CD300LD: variants seen among roughly 807,000 people sequenced by gnomAD.
CD300LD encodes CMRF35-like molecule 5.
A neutral mutation model predicts 20.3 loss-of-function variants in CD300LD; 18 were observed. The observed-to-expected ratio is 0.89, with a 90% CI of 0.61 to 1.32. CD300LD has a LOEUF of 1.32. CD300LD is among the 40% of genes most tolerant of loss of function. The pLI, the probability that CD300LD is intolerant of heterozygous loss-of-function variation, is 0.00. For synonymous variants in CD300LD, 104 were observed against 90.1 expected (o/e 1.15, Z -0.87); for missense variants, 195 against 226.6 (o/e 0.86, Z 0.90).
chr17:74,592,205 T>C lies in CD300LD; in HGVS notation c.-3A>G. On this transcript the variant is annotated 5_prime_UTR_variant, in exon 1 of 4. Coordinates refer to ENST00000375352, the MANE Select transcript of CD300LD (RefSeq NM_001115152.2). ...AGCAGAGATGGGGACAGCCACATGG[T>C]CCTGTCTCCTCTCCTCTCCTTGGTG... is the stretch of plus-strand genomic sequence containing the variant. 2 of 1,614,146 alleles carry C rather than the reference T, an allele frequency of 1.2e-6. No individual in the cohort carries two copies. The highest frequency in any genetic ancestry group is 1.7e-6 in the Non-Finnish European group (2 of 1,180,014).
intron 2 of CD300LD, among the ~76,000 whole-genome samples, chr17:74,584,323 A>C (rs372479430): frequency 1.4e-4 from 22 of 152,258 alleles, no homozygotes; most frequent in African/African-American, 4.6e-4. Context: ...GGTACTCGAG[A>C]GTGTTTCCAA....
intron 2 of CD300LD, among the ~76,000 whole-genome samples, chr17:74,584,041 C>T (rs568523879): frequency 6.2e-4 from 95 of 152,210 alleles, no homozygotes; most frequent in African/African-American, 2.3e-3. Flanking sequence ...AGGCGTGAAC[C>T]ACCACGCCCA....
intron 2 of CD300LD, among the ~76,000 whole-genome samples, chr17:74,586,563 C>G (rs549078487): frequency 6.6e-6 from 1 of 152,244 alleles, no homozygotes; most frequent in East Asian, 1.9e-4. Flanking sequence ...TGGAGGCATT[C>G]CCTGTCCAGC....
intron 1 of CD300LD, chr17:74,591,952 T>C: frequency 7.1e-7 from 1 of 1,406,230 alleles, no homozygotes; most frequent in South Asian, 1.4e-5. Flanking sequence ...GAAGCTATAC[T>C]TGTTTTGTTT....
chr17:74,585,246 C>A (rs911499307), intron 2 of CD300LD, among the ~76,000 whole-genome samples: 3 of 152,106 alleles, frequency 2.0e-5, no homozygotes, highest in Non-Finnish European at 2.9e-5. Context: ...AACGGGCTCA[C>A]CAAAAAGGTC....
intron 2 of CD300LD, among the ~76,000 whole-genome samples, chr17:74,585,554 T>C (rs1328877702): frequency 1.3e-5 from 2 of 152,180 alleles, no homozygotes; most frequent in Admixed American, 1.3e-4. Flanking sequence ...GGAAAGCCCT[T>C]AGGACCTTGC....
In CD300LD at chr17:74,588,771, G is replaced by A; in HGVS notation, c.119C>T (p.Ala40Val). The A allele has an allele frequency of 3.7e-6, 6 of 1,614,186 alleles. No homozygotes were observed. Among genetic ancestry groups the A allele is most frequent in the Non-Finnish European group, 5.1e-6 (6 of 1,180,028 alleles). The change falls in exon 2 of 4, where the codon GCT becomes GTT. Residue 40 changes from alanine to valine, a missense_variant. Ala to Val is a moderately conservative substitution (Grantham distance 64). Transcript: ENST00000375352. Reference protein sequence around the residue: ...SEQGSLTVQCAYGSGWETYLK... With the variant: ...SEQGSLTVQCVYGSGWETYLK... ...GTAGGTCTCCCAGCCTGAGCCATAA[G>A]CACACTGCACAGTCAATGAGCCCTG...
intron 1 of CD300LD, among the ~76,000 whole-genome samples, chr17:74,590,179 T>C (rs2030272443): frequency 6.6e-6 from 1 of 152,200 alleles, no homozygotes; most frequent in Admixed American, 6.5e-5. Context: ...GATGGTTTTA[T>C]AATGGGAAAC....
At chr17:74,591,576 T>G (rs2030319324) in intron 1 of CD300LD, among the ~76,000 whole-genome samples, 1 of 152,096 alleles carries the variant, frequency 6.6e-6, no homozygotes, top group Admixed American at 6.6e-5. Context: ...CATATCTCCA[T>G]ACAAAACTGT....
rs780456281 is a variant in CD300LD at position 74,580,007 on chromosome 17, A to C, written c.580T>G (p.Ser194Ala). Residue 194 changes from serine to alanine, a missense_variant, in exon 4 of 4, where the codon TCT becomes GCT. Coordinates refer to ENST00000375352, the MANE Select transcript of CD300LD (RefSeq NM_001115152.2). ...VLWVNRPQRR[S>A] Reference sequence around the variant, plus strand: ...TCGGGCTGACTCCTCCTCCTTCAAGACCTTCTTTGTGGTCTGTTTACCCAG... The same window carrying C: ...TCGGGCTGACTCCTCCTCCTTCAAGCCCTTCTTTGTGGTCTGTTTACCCAG... 6.2e-7 allele frequency: 1 copy of C among 1,607,878 alleles called. No homozygotes were observed. Among genetic ancestry groups the C allele is most frequent in the African/African-American group, 1.3e-5 (1 of 74,770 alleles).
chr17:74,583,613 T>C (rs944546431), intron 2 of CD300LD, among the ~76,000 whole-genome samples: 3 of 152,220 alleles, frequency 2.0e-5, no homozygotes, highest in African/African-American at 7.2e-5. Flanking sequence ...TTCCAGAATC[T>C]AATATAAATG....
Position 74,579,878 on chromosome 17 carries a change from C to CT in CD300LD, c.*123dup. On this transcript the variant is annotated 3_prime_UTR_variant, in exon 4 of 4. Coordinates refer to ENST00000375352, the MANE Select transcript of CD300LD (RefSeq NM_001115152.2). ...CCAGCCTGGGTGACAGAGCAAGACT[C>CT]TATCTCTAGAAAGAAAAAAAGAAGA... 1 of 581,218 alleles carries CT rather than the reference C, an allele frequency of 1.7e-6. No homozygotes were observed. The highest frequency in any genetic ancestry group is 3.1e-6 in the Non-Finnish European group (1 of 324,160). 36.0% of individuals were successfully genotyped at this position (581,218 alleles called of 1,614,324 possible).
chr17:74,581,132 G>A (rs1038043310), intron 3 of CD300LD, among the ~76,000 whole-genome samples: 1 of 151,226 alleles, frequency 6.6e-6, no homozygotes, highest in Admixed American at 6.6e-5. Context: ...GACAGCTAAA[G>A]TCCCATCAGT....
intron 3 of CD300LD, among the ~76,000 whole-genome samples, chr17:74,581,333 A>T (rs2030031635): frequency 6.6e-6 from 1 of 151,200 alleles, no homozygotes; most frequent in Non-Finnish European, 1.5e-5. Flanking sequence ...AGGAGGACTG[A>T]GCCAGAGACA....
At chr17:74,590,446 T>G (rs967260467) in intron 1 of CD300LD, 1 of 151,278 alleles carries the variant, frequency 6.6e-6, no homozygotes, top group African/African-American at 2.4e-5. Flanking sequence ...ATGTTTGTTA[T>G]TATTATTATT....
At chr17:74,581,446 C>T (rs1699586) in intron 3 of CD300LD, among the ~76,000 whole-genome samples, 1,622 of 152,290 alleles carry the variant, frequency 0.011, 37 homozygotes, top group African/African-American at 0.037. Flanking sequence ...TGGAACCCAA[C>T]GGCTAGCTAT....
rs962192775 is a variant in CD300LD at position 74,588,367 on chromosome 17, A to T, written c.379+144T>A. 4 of 585,902 alleles carry T rather than the reference A, an allele frequency of 6.8e-6. No homozygotes were observed. In the African/African-American group the frequency reaches 7.4e-5, roughly 11 times the overall value. The allele number at this position is 585,902 out of a possible 1,614,324, so 36.3% of individuals were successfully genotyped here. On this transcript the variant is annotated intron_variant, in intron 2 of 3. Transcript: ENST00000375352. ...CAACACGAGTTTTGGAGGGACAAATATTCAAACCATAGCAAGACCTCAGGA... is the reference window on the plus strand; with the variant it reads ...CAACACGAGTTTTGGAGGGACAAATTTTCAAACCATAGCAAGACCTCAGGA...
intron 2 of CD300LD, among the ~76,000 whole-genome samples, chr17:74,586,938 T>C (rs983048684): frequency 6.6e-6 from 1 of 151,882 alleles, no homozygotes; most frequent in African/African-American, 2.4e-5. Context: ...TTTACGGAGG[T>C]TGGGAGTTCG....
Position 74,580,006 on chromosome 17 carries a change from G to A in CD300LD, c.581C>T (p.Ser194Phe), listed in dbSNP as rs377130739. Residue 194 changes from serine (S) to phenylalanine (F), a missense_variant, in exon 4 of 4, where the codon TCT (serine) becomes TTT (phenylalanine). Transcript: ENST00000375352. Reference sequence around the variant, plus strand: ...ATCGGGCTGACTCCTCCTCCTTCAAGACCTTCTTTGTGGTCTGTTTACCCA... The same window carrying A: ...ATCGGGCTGACTCCTCCTCCTTCAAAACCTTCTTTGTGGTCTGTTTACCCA... The part of the protein sequence containing the change: ...VLWVNRPQRR[S>F] 57 of 1,607,100 alleles carry A rather than the reference G, an allele frequency of 3.5e-5. No individual in the cohort carries two copies. The highest frequency in any genetic ancestry group is 4.5e-5 in the Non-Finnish European group (53 of 1,175,564).
Sources: gnomAD v4.1 joint callset for allele counts (sites outside exome capture counted in the v4.1 genomes callset) on GRCh38, gnomAD v4.1.1 for gene constraint, MANE v1.5 for transcripts, NCBI Gene and HGNC (gene_info 2026-07-23, HGNC 2026-07-21) for gene names.